LOC128125817: variants seen among roughly 807,000 people sequenced by gnomAD.
At chr1:41,626,951 CTG>C in the LOC128125817 span, among the ~76,000 whole-genome samples, 1 of 152,234 alleles carries the variant, frequency 6.6e-6, no homozygotes, top group Non-Finnish European at 1.5e-5. Context: ...CTGAACCTCT[CTG>C]TGCTCAGTTT....
chr1:41,624,657 A>G, the LOC128125817 span, among the ~76,000 whole-genome samples: 1 of 152,232 alleles, frequency 6.6e-6, no homozygotes, highest in Non-Finnish European at 1.5e-5. Flanking sequence ...GATTATCATG[A>G]AAATATCATA....
At chr1:41,628,218 T>A in the LOC128125817 span, among the ~76,000 whole-genome samples, 1 of 152,198 alleles carries the variant, frequency 6.6e-6, no homozygotes, top group Admixed American at 6.5e-5. Context: ...TGACATCTTT[T>A]CAATTCTTCA....
At chr1:41,595,072 G>A in the LOC128125817 span, among the ~76,000 whole-genome samples, 1 of 152,230 alleles carries the variant, frequency 6.6e-6, no homozygotes, top group African/African-American at 2.4e-5. Context: ...AATAGAATTT[G>A]TGGGAAAGGG....
the LOC128125817 span, among the ~76,000 whole-genome samples, chr1:41,616,535 G>A: frequency 6.6e-6 from 1 of 151,774 alleles, no homozygotes; most frequent in Non-Finnish European, 1.5e-5. Flanking sequence ...GCTGCTCTCA[G>A]GAGGCCACTC....
At chr1:41,621,390 A>G in the LOC128125817 span, among the ~76,000 whole-genome samples, 1 of 152,212 alleles carries the variant, frequency 6.6e-6, no homozygotes, top group African/African-American at 2.4e-5. Context: ...CATTGATGAA[A>G]ACTTCGCCCT....
the LOC128125817 span, among the ~76,000 whole-genome samples, chr1:41,626,903 C>T: frequency 1.3e-5 from 2 of 152,172 alleles, no homozygotes; most frequent in Non-Finnish European, 2.9e-5. Context: ...TAACCAGAGG[C>T]TCTGCCCCTT....
the LOC128125817 span, among the ~76,000 whole-genome samples, chr1:41,622,143 C>G: frequency 6.6e-6 from 1 of 152,238 alleles, no homozygotes; most frequent in East Asian, 1.9e-4. Context: ...TATACAGCAG[C>G]ACCCTGCTGG....
the LOC128125817 span, among the ~76,000 whole-genome samples, chr1:41,620,095 C>T: frequency 1.1e-4 from 17 of 152,112 alleles, no homozygotes; most frequent in African/African-American, 4.1e-4. Context: ...CTAAGGCAGA[C>T]ACAGGAGAAG....
the LOC128125817 span, among the ~76,000 whole-genome samples, chr1:41,611,961 C>T: frequency 6.6e-6 from 1 of 152,128 alleles, no homozygotes; most frequent in Non-Finnish European, 1.5e-5. Context: ...GATATAAACT[C>T]GCCCTTCTTG....
chr1:41,626,479 CAA>C, the LOC128125817 span, among the ~76,000 whole-genome samples: 2 of 152,320 alleles, frequency 1.3e-5, no homozygotes, highest in Non-Finnish European at 1.5e-5. Flanking sequence ...CACGGACAAA[CAA>C]AGAGTCTGGG....
chr1:41,598,915 A>G, the LOC128125817 span, among the ~76,000 whole-genome samples: 1 of 152,084 alleles, frequency 6.6e-6, no homozygotes, highest in African/African-American at 2.4e-5. Flanking sequence ...TCCTGGGCTC[A>G]GGTGATTCTC....
At chr1:41,610,220 C>T in the LOC128125817 span, among the ~76,000 whole-genome samples, 2 of 152,208 alleles carry the variant, frequency 1.3e-5, no homozygotes, top group African/African-American at 4.8e-5. Context: ...CTGGAGAACC[C>T]TAATACACAA....
At chr1:41,611,486 A>G in the LOC128125817 span, among the ~76,000 whole-genome samples, 1 of 152,222 alleles carries the variant, frequency 6.6e-6, no homozygotes, top group East Asian at 1.9e-4. Flanking sequence ...CAGGCCGGCA[A>G]TGTTTTTACA....
At chr1:41,586,056 G>C in the LOC128125817 span, among the ~76,000 whole-genome samples, 3 of 152,194 alleles carry the variant, frequency 2.0e-5, no homozygotes, top group Non-Finnish European at 4.4e-5. Context: ...GTGACCATTT[G>C]CTTGATCCAA....
the LOC128125817 span, among the ~76,000 whole-genome samples, chr1:41,623,584 G>A: frequency 6.6e-6 from 1 of 152,156 alleles, no homozygotes. Context: ...CACCAGGCCT[G>A]GCTCTCTTCC....
chr1:41,608,917 C>CAA, the LOC128125817 span, among the ~76,000 whole-genome samples: 2,211 of 123,520 alleles, frequency 0.018, 60 homozygotes, highest in African/African-American at 0.057. Context: ...CTAAAAATAC[C>CAA]AAAAAAAAAA....
chr1:41,603,726 A>G, the LOC128125817 span, among the ~76,000 whole-genome samples: 1 of 152,226 alleles, frequency 6.6e-6, no homozygotes, highest in Non-Finnish European at 1.5e-5. Context: ...TCAATCTTAA[A>G]TTTGTTAAGA....
chr1:41,623,899 G>A, the LOC128125817 span, among the ~76,000 whole-genome samples: 2 of 59,532 alleles, frequency 3.4e-5, no homozygotes, highest in Admixed American at 1.5e-4. Context: ...TCTGCATGCC[G>A]ATCAGAGTGA....
the LOC128125817 span, among the ~76,000 whole-genome samples, chr1:41,626,806 C>T: frequency 6.6e-6 from 1 of 152,146 alleles, no homozygotes; most frequent in African/African-American, 2.4e-5. Context: ...AACATGTGGA[C>T]ATTCCTGGGG....
Sources: gnomAD v4.1 joint callset for allele counts (sites outside exome capture counted in the v4.1 genomes callset) on GRCh38, gnomAD v4.1.1 for gene constraint, MANE v1.5 for transcripts.